Variants in INTS9 observed in about 807,000 individuals in gnomAD.
INTS9 encodes protein related to CPSF subunits of 74 kDa.
Under a neutral mutation model 79.7 loss-of-function variants are expected in INTS9, and 55 were observed. The observed-to-expected ratio is 0.69, with a 90% CI of 0.56 to 0.86. The LOEUF is 0.86. Ranked by LOEUF, INTS9 falls within the 40% of genes least tolerant of loss-of-function variation. The pLI, the probability that INTS9 is intolerant of heterozygous loss-of-function variation, is 0.00. For synonymous variants in INTS9, 319 were observed against 325.2 expected, an observed-to-expected ratio of 0.98 and a Z score of 0.20; for missense variants, 721 against 831.5, an observed-to-expected ratio of 0.87 and a Z score of 1.64.
At chr8:28,825,710 C>T (rs916579547) in intron 6 of INTS9, among the ~76,000 whole-genome samples, 17 of 152,338 alleles carry the variant, frequency 1.1e-4, no homozygotes, top group African/African-American at 3.4e-4. Flanking sequence ...CTTATATTCA[C>T]CCTATTGAGT....
intron 1 of INTS9, among the ~76,000 whole-genome samples, chr8:28,864,077 T>C (rs1278531204): frequency 1.3e-5 from 2 of 152,260 alleles, no homozygotes; most frequent in Non-Finnish European, 2.9e-5. Flanking sequence ...GCATGGCGGC[T>C]CATGCCTATA....
chr8:28,812,431 GA>G lies in INTS9; in HGVS notation c.639del (p.Leu214Ter). 6.2e-7 allele frequency: 1 copy of G among 1,614,154 alleles called. No homozygotes were observed. Among genetic ancestry groups the G allele is most frequent in the Non-Finnish European group, 8.5e-7 (1 of 1,179,982 alleles). On this transcript the variant is annotated frameshift_variant, in exon 8 of 17. Coordinates refer to ENST00000521022, the MANE Select transcript of INTS9 (RefSeq NM_018250.4). LOFTEE classifies it high-confidence loss of function. ...CTCCCAAGGGCATAGCCAGAGCTCAGAGGAGTCACCTGGACCGCACCAAAAA... is the reference window on the plus strand; with the variant it reads ...CTCCCAAGGGCATAGCCAGAGCTCAGGGAGTCACCTGGACCGCACCAAAAA... ...IELFGAVQVT[P>X]LSSGYALGSS...
intron 6 of INTS9, among the ~76,000 whole-genome samples, chr8:28,834,222 C>T (rs1806669321): frequency 6.6e-6 from 1 of 152,174 alleles, no homozygotes; most frequent in Non-Finnish European, 1.5e-5. Flanking sequence ...TTTGTCATCT[C>T]CCCTGGGTTT....
intron 4 of INTS9, among the ~76,000 whole-genome samples, chr8:28,845,208 C>A (rs1807437919): frequency 6.6e-6 from 1 of 152,154 alleles, no homozygotes; most frequent in Non-Finnish European, 1.5e-5. Flanking sequence ...TACTGGGATA[C>A]AAAGATATTT....
At chr8:28,822,889 G>A (rs1258481874) in intron 6 of INTS9, among the ~76,000 whole-genome samples, 1 of 152,080 alleles carries the variant, frequency 6.6e-6, no homozygotes, top group African/African-American at 2.4e-5. Context: ...CTCTTTGTGT[G>A]GGAAAATTTA....
At chr8:28,879,057 G>A (rs1447677971) in intron 1 of INTS9, among the ~76,000 whole-genome samples, 1 of 152,008 alleles carries the variant, frequency 6.6e-6, no homozygotes, top group Non-Finnish European at 1.5e-5. Context: ...TACAGAGGAA[G>A]AGGAAACATT....
chr8:28,854,279 G>A (rs765905233), intron 2 of INTS9, among the ~76,000 whole-genome samples: 2 of 152,114 alleles, frequency 1.3e-5, no homozygotes, highest in South Asian at 4.1e-4. Context: ...TTAATACTCA[G>A]TGCAAACTGT....
chr8:28,851,054 T>G (rs1247882425), intron 2 of INTS9, among the ~76,000 whole-genome samples: 1 of 152,186 alleles, frequency 6.6e-6, no homozygotes, highest in Non-Finnish European at 1.5e-5. Context: ...AACAGTATGC[T>G]GGTAAAAGTA....
chr8:28,831,618 A>G (rs1806491501), intron 6 of INTS9, among the ~76,000 whole-genome samples: 1 of 152,180 alleles, frequency 6.6e-6, no homozygotes, highest in African/African-American at 2.4e-5. Flanking sequence ...AATGCTGAGG[A>G]CTTTGTCCAA....
chr8:28,862,684 ATC>A (rs1808525012), intron 1 of INTS9, among the ~76,000 whole-genome samples: 1 of 152,200 alleles, frequency 6.6e-6, no homozygotes, highest in African/African-American at 2.4e-5. Flanking sequence ...ATATCAGAAG[ATC>A]TGTTTCACTG....
chr8:28,884,653 C>A (rs1216214933), intron 1 of INTS9, among the ~76,000 whole-genome samples: 1 of 152,070 alleles, frequency 6.6e-6, no homozygotes, highest in Non-Finnish European at 1.5e-5. Flanking sequence ...TTGAGGAAAT[C>A]ATGAAGGAAA....
chr8:28,835,233 C>T, intron 6 of INTS9, 59 bp downstream of exon 6: 1 of 1,118,134 alleles, frequency 8.9e-7, no homozygotes, highest in East Asian at 2.4e-5. Context: ...TCAAATGAGA[C>T]TGCTTTGCAA....
At chr8:28,816,151 A>T (rs1312018424) in intron 6 of INTS9, among the ~76,000 whole-genome samples, 5 of 151,418 alleles carry the variant, frequency 3.3e-5, no homozygotes, top group East Asian at 1.9e-4. Flanking sequence ...TTCCTTTTTT[A>T]AAAATTTTAT....
chr8:28,888,174 A>C (rs1810262427), intron 1 of INTS9, among the ~76,000 whole-genome samples: 1 of 152,172 alleles, frequency 6.6e-6, no homozygotes, highest in Admixed American at 6.5e-5. Context: ...GTTTCCAGGA[A>C]GCTGTCCCCT....
chr8:28,780,971 C>A lies in INTS9; in HGVS notation c.1122G>T (p.Lys374Asn), dbSNP rs1267499242. 6.2e-7 allele frequency: 1 copy of A among 1,613,994 alleles called. No homozygotes were observed. The highest frequency in any genetic ancestry group is 1.3e-5 in the African/African-American group (1 of 75,018). Residue 374 changes from lysine (K) to asparagine (N), a missense_variant, in exon 12 of 17, where the codon AAG becomes AAT. By Grantham distance (94) the Lys-to-Asn change is moderately conservative (BLOSUM62 0). Around this residue, in one of 3 missense-constraint regions of INTS9, gnomAD observed 149 missense variants for 223.7 expected, o/e 0.67. Transcript: ENST00000521022. ...AGTCTCCGTGGATGCTGGGGTAGTG[C>A]TTCAGCTTATTGGTCTGAATGAGCT... ...HAELIQTNKL[K>N]HYPSIHGDFS...
At chr8:28,854,183 T>C (rs1808015121) in intron 2 of INTS9, among the ~76,000 whole-genome samples, 1 of 152,200 alleles carries the variant, frequency 6.6e-6, no homozygotes, top group African/African-American at 2.4e-5. Context: ...TATCCAGGTA[T>C]GAAATGTGTT....
At chr8:28,863,126 A>G (rs1205654019) in intron 1 of INTS9, among the ~76,000 whole-genome samples, 2 of 152,364 alleles carry the variant, frequency 1.3e-5, no homozygotes, top group East Asian at 3.9e-4. Context: ...TATATTCTAC[A>G]GCGGCATTCA....
At chr8:28,778,689 T>C (rs778265228) in intron 12 of INTS9, among the ~76,000 whole-genome samples, 8 of 152,196 alleles carry the variant, frequency 5.3e-5, no homozygotes, top group Non-Finnish European at 1.0e-4. Context: ...GCTGCCTGCC[T>C]TGAGCCAAAA....
intron 5 of INTS9, among the ~76,000 whole-genome samples, chr8:28,837,327 T>G (rs1259137343): frequency 6.6e-6 from 1 of 152,238 alleles, no homozygotes; most frequent in African/African-American, 2.4e-5. Flanking sequence ...CTCTCTGCCT[T>G]GCATCTTTGT....
Sources: gnomAD v4.1 joint callset for allele counts (sites outside exome capture counted in the v4.1 genomes callset) on GRCh38, gnomAD v4.1.1 for gene constraint, gnomAD v4.1.1 regional missense constraint, MANE v1.5 for transcripts, NCBI Gene and HGNC (gene_info 2026-07-23, HGNC 2026-07-21) for gene names.